The following KNDC1 variants were observed in gnomAD, a reference collection of about 807,000 sequenced individuals.
KNDC1 encodes kinase non-catalytic C-lobe domain containing 1.
A neutral mutation model predicts 172.8 loss-of-function variants in KNDC1; 106 were observed. The ratio of observed to expected loss-of-function variants is 0.61; its 90% CI spans 0.52 to 0.72. The LOEUF (loss-of-function observed/expected upper bound fraction) is 0.72. KNDC1 is among the 30% of genes least tolerant of loss of function. The probability of loss-of-function intolerance (pLI) is 0.00; values close to 1 mark genes in which losing one functional copy is unlikely to be tolerated. For synonymous variants in KNDC1, 1,083 were observed against 1,062.2 expected (o/e 1.02, Z -0.38); for missense variants, 2,325 against 2,394.5 (o/e 0.97, Z 0.61).
intron 7 of KNDC1, among the ~76,000 whole-genome samples, chr10:133,189,121 C>G (rs1390025271): frequency 6.6e-6 from 1 of 152,188 alleles, no homozygotes; most frequent in Non-Finnish European, 1.5e-5. Context: ...CTAGCCCTGC[C>G]AGACATCAGG....
At chr10:133,188,948 TGGGCCTTGAA>T (rs1854002870) in intron 7 of KNDC1, among the ~76,000 whole-genome samples, 1 of 151,696 alleles carries the variant, frequency 6.6e-6, no homozygotes, top group Non-Finnish European at 1.5e-5. Context: ...GCCTGCAAGG[TGGGCCTTGAA>T]ACCGGTGACT....
chr10:133,206,918 G>A lies in KNDC1; in HGVS notation c.3544G>A (p.Val1182Met), dbSNP rs777661637. 1.2e-6 allele frequency: 2 copies of A among 1,614,092 alleles called. No individual in the cohort carries two copies. The highest frequency in any genetic ancestry group is 1.7e-6 in the Non-Finnish European group (2 of 1,180,030). ...KGQLEEMKSR[V>M]QFLSLVKKYL... ...GCAGCTAGAAGAAATGAAATCCAGG[G>A]TGCAATTCCTCAGCTTGGTCAAGAA... is the stretch of plus-strand genomic sequence containing the variant. The change falls in exon 19 of 30, where the codon GTG becomes ATG. Residue 1182 changes from valine to methionine, a missense_variant. By Grantham distance (21) the Val-to-Met change is conservative. Transcript: ENST00000304613.
At chr10:133,177,293 GCATCTATGTAGTGTGTA>G (rs1339730101) in intron 3 of KNDC1, among the ~76,000 whole-genome samples, 1 of 152,176 alleles carries the variant, frequency 6.6e-6, no homozygotes. Flanking sequence ...GCATATGTGT[GCATCTATGTAGTGTGTA>G]CATGTATGTA....
chr10:133,198,431 T>C lies in KNDC1; in HGVS notation c.2001T>C (p.Pro667=). The C allele has an allele frequency of 1.2e-6, 2 of 1,602,748 alleles. No individual in the cohort carries two copies. The highest frequency in any genetic ancestry group is 8.5e-7 in the Non-Finnish European group (1 of 1,175,300). ...GCGGTGAAGAAGCCACCCAGCTGCC[T>C]GCAGCGTTCACCTCCGAGGCCACGC... is the stretch of plus-strand genomic sequence containing the variant. ...HPCGEEATQL[P]AAFTSEATHF... is the part of the protein sequence containing the mutation. Residue 667 remains proline, a synonymous_variant, in exon 13 of 30, where the codon CCT becomes CCC. Transcript: ENST00000304613.
At chr10:133,190,394 G>C (rs955873895) in intron 9 of KNDC1, among the ~76,000 whole-genome samples, 4 of 151,116 alleles carry the variant, frequency 2.6e-5, no homozygotes, top group African/African-American at 4.9e-5. Flanking sequence ...ACACCCTGCA[G>C]TAAGCACCCT....
chr10:133,211,596 C>T, intron 22 of KNDC1, 27 bp downstream of exon 22: 6 of 1,605,932 alleles, frequency 3.7e-6, no homozygotes, highest in Non-Finnish European at 5.1e-6. Flanking sequence ...GCTGGGCGGC[C>T]GCACCCGGGG....
intron 17 of KNDC1, 121 bp from the exon 18 acceptor site, chr10:133,206,564 G>C (rs1845199577): frequency 9.7e-6 from 8 of 825,578 alleles, no homozygotes; most frequent in African/African-American, 1.7e-5. Context: ...GTCTCCATGG[G>C]ACCCTGCCCT....
At chr10:133,206,164 C>T (rs907938872) in intron 17 of KNDC1, among the ~76,000 whole-genome samples, 1 of 152,234 alleles carries the variant, frequency 6.6e-6, no homozygotes, top group Non-Finnish European at 1.5e-5. Flanking sequence ...GGTGCCATTG[C>T]ACTCCAGCCT....
chr10:133,213,770 C>T, intron 25 of KNDC1, 43 bp downstream of exon 25: 1 of 1,575,958 alleles, frequency 6.3e-7, no homozygotes, highest in Non-Finnish European at 8.7e-7. Flanking sequence ...GGTGGAGGGT[C>T]TCGGGGGCTT....
At chr10:133,183,293 G>C in intron 3 of KNDC1, 51 bp from the exon 4 acceptor site, 1 of 1,522,122 alleles carries the variant, frequency 6.6e-7, no homozygotes, top group Non-Finnish European at 8.8e-7. Context: ...GCCGCGGTCG[G>C]GGTGGCGCAC....
intron 22 of KNDC1, 25 bp from the exon 23 acceptor site, chr10:133,211,651 ACCC>A: frequency 6.3e-7 from 1 of 1,586,184 alleles, no homozygotes; most frequent in East Asian, 2.3e-5. Context: ...GGTGGCAGTG[ACCC>A]CCCCACCACT....
At chr10:133,177,387 G>A (rs1853569790) in intron 3 of KNDC1, among the ~76,000 whole-genome samples, 1 of 152,192 alleles carries the variant, frequency 6.6e-6, no homozygotes, top group African/African-American at 2.4e-5. Context: ...CACGTATGCA[G>A]TATGGTGTGT....
chr10:133,197,223 G>C, intron 11 of KNDC1, 88 bp downstream of exon 11: 2 of 1,034,940 alleles, frequency 1.9e-6, no homozygotes, highest in Non-Finnish European at 2.9e-6. Context: ...GGCCGCTCCC[G>C]GCAGCCCCAC....
At chr10:133,199,437 T>C in intron 14 of KNDC1, 21 bp from the exon 15 acceptor site, 1 of 1,611,614 alleles carries the variant, frequency 6.2e-7, no homozygotes, top group Non-Finnish European at 8.5e-7. Context: ...CTCACTTGTC[T>C]CCATCGTTTT....
intron 7 of KNDC1, 34 bp from the exon 8 acceptor site, chr10:133,189,564 A>G (rs1854021010): frequency 6.2e-7 from 1 of 1,601,982 alleles, no homozygotes; most frequent in East Asian, 2.2e-5. Context: ...GCGGGGCAGC[A>G]TGCATACCCG....
intron 7 of KNDC1, 145 bp downstream of exon 7, chr10:133,188,798 C>T (rs1460744409): frequency 2.4e-5 from 14 of 578,910 alleles, no homozygotes; most frequent in African/African-American, 2.1e-4. Flanking sequence ...CCGTCCCATG[C>T]GTAACTGGCC....
At chr10:133,182,523 T>A (rs546543997) in intron 3 of KNDC1, among the ~76,000 whole-genome samples, 2 of 152,314 alleles carry the variant, frequency 1.3e-5, no homozygotes, top group South Asian at 4.1e-4. Context: ...TGCGTTCTGC[T>A]TCCTCTTGTG....
chr10:133,200,977 C>T (rs1854346925), intron 16 of KNDC1, among the ~76,000 whole-genome samples: 1 of 152,218 alleles, frequency 6.6e-6, no homozygotes, highest in Non-Finnish European at 1.5e-5. Context: ...CACCCTCAGG[C>T]TGTCCGTAGT....
At chr10:133,165,429 G>A (rs1250082136) in intron 1 of KNDC1, among the ~76,000 whole-genome samples, 2 of 152,202 alleles carry the variant, frequency 1.3e-5, no homozygotes, top group East Asian at 1.9e-4. Context: ...GTGGGCTGGC[G>A]GCAGGCGCCT....
Sources: allele counts gnomAD v4.1 joint callset (sites outside exome capture counted in the v4.1 genomes callset), GRCh38; gene constraint gnomAD v4.1.1; transcripts MANE v1.5; gene names NCBI Gene and HGNC (gene_info 2026-07-23, HGNC 2026-07-21).